FHOD3: variants seen among roughly 807,000 people sequenced by gnomAD.
FHOD3 encodes the protein FH1/FH2 domain-containing protein 3.
In FHOD3, 90 loss-of-function variants were observed where a neutral mutation model predicts 173.0. The ratio of observed to expected loss-of-function variants is 0.52; its 90% CI spans 0.44 to 0.62. The LOEUF (loss-of-function observed/expected upper bound fraction) is 0.62. Ranked by LOEUF, FHOD3 falls within the 20% of genes least tolerant of loss-of-function variation. FHOD3 has a pLI of 0.00. For missense variants in FHOD3, 1,945 were observed against 2,034.7 expected (o/e 0.96, Z 0.85); for synonymous variants, 828 against 823.0 (o/e 1.01, Z -0.10).
At chr18:36,332,262 G>C (rs922168009) in intron 1 of FHOD3, among the ~76,000 whole-genome samples, 1 of 152,230 alleles carries the variant, frequency 6.6e-6, no homozygotes, top group Non-Finnish European at 1.5e-5. Context: ...GTGGCCCCAG[G>C]ATGTCTGTGG....
chr18:36,518,979 G>A (rs550129115), intron 5 of FHOD3, among the ~76,000 whole-genome samples: 1 of 152,280 alleles, frequency 6.6e-6, no homozygotes, highest in Non-Finnish European at 1.5e-5. Context: ...GCTGCAGCCT[G>A]TAACTCCCTG....
intron 3 of FHOD3, among the ~76,000 whole-genome samples, chr18:36,374,546 C>T (rs1210280095): frequency 6.6e-6 from 1 of 152,230 alleles, no homozygotes; most frequent in Non-Finnish European, 1.5e-5. Flanking sequence ...TTAGTCACTA[C>T]AGAAGCATTT....
chr18:36,457,400 C>A (rs907488563), intron 3 of FHOD3, among the ~76,000 whole-genome samples: 2 of 152,146 alleles, frequency 1.3e-5, no homozygotes, highest in African/African-American at 2.4e-5. Flanking sequence ...GGATTGTTCA[C>A]TGGGAAGAAT....
rs147218341 is a variant in FHOD3, at chr18:36,663,002, G to A, written c.1835+4814G>A. Reference sequence around the variant, plus strand: ...TTCTTTATAAACTGTGATAAGAGTAGCAATCACTTTTCTCATTGTTCTTTT... The same window carrying A: ...TTCTTTATAAACTGTGATAAGAGTAACAATCACTTTTCTCATTGTTCTTTT... On this transcript the variant is annotated intron_variant, in intron 14 of 28. Transcript: ENST00000590592. 3.3e-3 allele frequency among the ~76,000 whole-genome samples: 503 copies of A among 152,210 alleles called. 3 individuals carry two copies. The highest frequency in any genetic ancestry group is 0.012 in the African/African-American group (480 of 41,530).
chr18:36,649,260 C>A, intron 10 of FHOD3, 56 bp from the exon 11 acceptor site: 2 of 1,267,074 alleles, frequency 1.6e-6, no homozygotes, highest in Non-Finnish European at 2.2e-6. Context: ...CTGTAATGCT[C>A]ATCTCACTTT....
intron 11 of FHOD3, among the ~76,000 whole-genome samples, chr18:36,651,403 C>G (rs1383868208): frequency 6.6e-6 from 1 of 152,092 alleles, no homozygotes; most frequent in Non-Finnish European, 1.5e-5. Context: ...AAACCCAGCC[C>G]CCTGAAGATG....
At chr18:36,732,830 G>T (rs1039066605) in intron 20 of FHOD3, among the ~76,000 whole-genome samples, 24 of 152,192 alleles carry the variant, frequency 1.6e-4, no homozygotes, top group African/African-American at 5.8e-4. Context: ...GGACCTGGAT[G>T]TACCAAGTGC....
At chr18:36,559,166 G>A in intron 5 of FHOD3, among the ~76,000 whole-genome samples, 1 of 152,110 alleles carries the variant, frequency 6.6e-6, no homozygotes, top group South Asian at 2.1e-4. Flanking sequence ...TTCTTTGGGG[G>A]CTTATTCAGG....
At chr18:36,706,148 G>A (rs376310104) in intron 17 of FHOD3, among the ~76,000 whole-genome samples, 3 of 152,174 alleles carry the variant, frequency 2.0e-5, no homozygotes, top group African/African-American at 4.8e-5. Context: ...CCAGGACCAC[G>A]CTGGGGCCCT....
intron 5 of FHOD3, among the ~76,000 whole-genome samples, chr18:36,553,604 G>A (rs534014213): frequency 4.9e-4 from 74 of 152,192 alleles, no homozygotes; most frequent in Non-Finnish European, 2.6e-4. Context: ...GTTTATTTGC[G>A]TAGAGGTGTT....
At chr18:36,487,564 T>C (rs2054254920) in intron 3 of FHOD3, among the ~76,000 whole-genome samples, 1 of 152,222 alleles carries the variant, frequency 6.6e-6, no homozygotes, top group African/African-American at 2.4e-5. Flanking sequence ...AAATATACTC[T>C]GATTAGGTAT....
chr18:36,470,343 C>T (rs1186011406), intron 3 of FHOD3, among the ~76,000 whole-genome samples: 1 of 152,136 alleles, frequency 6.6e-6, no homozygotes, highest in Non-Finnish European at 1.5e-5. Context: ...CCTCAGTTTC[C>T]CCAGATGTAA....
chr18:36,730,977 T>C (rs1007149176), intron 20 of FHOD3, among the ~76,000 whole-genome samples, 173 bp downstream of exon 20: 6 of 152,152 alleles, frequency 3.9e-5, no homozygotes, highest in African/African-American at 1.4e-4. Context: ...GGAGTCTCAC[T>C]TTGCCTATGA....
At chr18:36,494,654 C>T (rs1482585867) in intron 3 of FHOD3, among the ~76,000 whole-genome samples, 1 of 152,186 alleles carries the variant, frequency 6.6e-6, no homozygotes, top group Non-Finnish European at 1.5e-5. Context: ...AATCAGCAAT[C>T]AGCAGTACTT....
At chr18:36,549,369 G>A (rs2057543494) in intron 5 of FHOD3, among the ~76,000 whole-genome samples, 1 of 151,908 alleles carries the variant, frequency 6.6e-6, no homozygotes, top group Non-Finnish European at 1.5e-5. Flanking sequence ...TATCAGATAT[G>A]TGATTGCAAA....
intron 5 of FHOD3, among the ~76,000 whole-genome samples, chr18:36,550,527 A>G (rs1183875529): frequency 6.6e-6 from 1 of 151,980 alleles, no homozygotes; most frequent in Non-Finnish European, 1.5e-5. Context: ...AAATCCACAG[A>G]TCACTTTGGG....
intron 15 of FHOD3, among the ~76,000 whole-genome samples, chr18:36,685,573 A>G (rs1366420449): frequency 6.6e-6 from 1 of 152,216 alleles, no homozygotes; most frequent in East Asian, 1.9e-4. Context: ...TAGGAAATTT[A>G]GTTCTAGTGT....
intron 5 of FHOD3, among the ~76,000 whole-genome samples, chr18:36,524,672 C>T (rs755865519): frequency 1.3e-5 from 2 of 152,182 alleles, no homozygotes; most frequent in African/African-American, 2.4e-5. Flanking sequence ...TGCTGGTCCA[C>T]GCCTGTCTTT....
At chr18:36,307,623 A>G (rs1279636699) in intron 1 of FHOD3, among the ~76,000 whole-genome samples, 1 of 152,218 alleles carries the variant, frequency 6.6e-6, no homozygotes, top group Non-Finnish European at 1.5e-5. Context: ...CTTGTACTCT[A>G]AAGTATCTTC....
Sources: gnomAD v4.1 joint callset for allele counts (sites outside exome capture counted in the v4.1 genomes callset) on GRCh38, gnomAD v4.1.1 for gene constraint, MANE v1.5 for transcripts, NCBI Gene and HGNC (gene_info 2026-07-23, HGNC 2026-07-21) for gene names.